Variants in CRISPLD2 observed in about 807,000 individuals in gnomAD.
CRISPLD2 encodes cysteine rich secretory protein LCCL domain containing 2, also known as cysteine-rich secretory protein LCCL domain-containing 2.
Under a neutral mutation model 71.1 loss-of-function variants are expected in CRISPLD2, and 47 were observed. The ratio of observed to expected loss-of-function variants is 0.66; its 90% CI spans 0.52 to 0.84. The LOEUF (loss-of-function observed/expected upper bound fraction) is 0.84, where lower values mean the gene tolerates loss of function less well. CRISPLD2 is among the 40% of genes least tolerant of loss of function. The pLI is 0.00. For synonymous variants in CRISPLD2, 317 were observed against 250.1 expected, an observed-to-expected ratio of 1.27 and a Z score of -2.52; for missense variants, 830 against 651.1, an observed-to-expected ratio of 1.27 and a Z score of -2.99.
At chr16:84,878,521 T>C (rs2071541059) in intron 12 of CRISPLD2, among the ~76,000 whole-genome samples, 1 of 152,246 alleles carries the variant, frequency 6.6e-6, no homozygotes, top group Non-Finnish European at 1.5e-5. Flanking sequence ...GTTTATTCTT[T>C]CAAATCCTCA....
At chr16:84,885,238 T>C (rs991073870) in intron 13 of CRISPLD2, among the ~76,000 whole-genome samples, 1 of 150,552 alleles carries the variant, frequency 6.6e-6, no homozygotes, top group African/African-American at 2.4e-5. Flanking sequence ...ATGAGCTTAA[T>C]TGTGTTCGCT....
chr16:84,902,699 C>T (rs2071765931), intron 14 of CRISPLD2, among the ~76,000 whole-genome samples: 1 of 151,328 alleles, frequency 6.6e-6, no homozygotes, highest in African/African-American at 2.4e-5. Flanking sequence ...ATCCTGCTGG[C>T]TCAGAGGGAC....
intron 14 of CRISPLD2, among the ~76,000 whole-genome samples, chr16:84,893,830 T>C (rs952761100): frequency 2.0e-5 from 3 of 152,160 alleles, no homozygotes; most frequent in African/African-American, 4.8e-5. Context: ...CCCAGGAGCT[T>C]ATTCCCAATA....
intron 1 of CRISPLD2, among the ~76,000 whole-genome samples, chr16:84,823,008 T>C (rs1012249651): frequency 7.2e-5 from 11 of 152,306 alleles, no homozygotes; most frequent in Middle Eastern, 3.4e-3. Flanking sequence ...CCCAGGCCCA[T>C]TAGGCATCAT....
chr16:84,874,402 G>C (rs2071501049), intron 11 of CRISPLD2, among the ~76,000 whole-genome samples: 1 of 152,208 alleles, frequency 6.6e-6, no homozygotes, highest in South Asian at 2.1e-4. Flanking sequence ...AGGGAAGTGT[G>C]TGGCACTTAC....
At chr16:84,872,401 C>A in intron 8 of CRISPLD2, 41 bp from the exon 9 acceptor site, 1 of 1,517,048 alleles carries the variant, frequency 6.6e-7, no homozygotes, top group Non-Finnish European at 9.2e-7. Flanking sequence ...ATGTAATCAA[C>A]GTGCTTATCT....
rs751116425 is a variant in CRISPLD2 at position 84,880,592 on chromosome 16, G to C, written c.1305+8G>C. 2 of 1,611,174 alleles carry C rather than the reference G, an allele frequency of 1.2e-6. No homozygotes were observed. The highest frequency in any genetic ancestry group is 1.1e-5 in the South Asian group (1 of 90,908). On this transcript the variant is annotated splice_region_variant and intron_variant, in intron 13 of 14. Coordinates refer to ENST00000262424, the MANE Select transcript of CRISPLD2 (RefSeq NM_031476.4). ...ACCAACATCTATGCAGATGTGAGTA[G>C]GATGCATTTTCAACAACTATCTCGC...
At chr16:84,875,469 A>G (rs995566565) in intron 11 of CRISPLD2, among the ~76,000 whole-genome samples, 23 of 108,560 alleles carry the variant, frequency 2.1e-4, no homozygotes, top group African/African-American at 7.1e-4. Context: ...GTGTTAGTAT[A>G]TTTTATCTGT....
In CRISPLD2 at chr16:84,906,872, C is replaced by A; in HGVS notation, c.*230C>A. On this transcript the variant is annotated 3_prime_UTR_variant, in exon 15 of 15. Coordinates refer to ENST00000262424, the MANE Select transcript of CRISPLD2 (RefSeq NM_031476.4). ...CCCTGGTGCCTGATCCTGCTGGGGC[C>A]TGGGGGTCTCCATCTGGACGTCCTC... 1.6e-6 allele frequency: 1 copy of A among 618,006 alleles called. No individual in the cohort carries two copies. Among genetic ancestry groups the A allele is most frequent in the South Asian group, 1.9e-5 (1 of 53,864 alleles). 38.3% of individuals were successfully genotyped at this position (618,006 alleles called of 1,614,324 possible).
At chr16:84,856,354 A>G (rs995638986) in intron 6 of CRISPLD2, among the ~76,000 whole-genome samples, 1 of 152,188 alleles carries the variant, frequency 6.6e-6, no homozygotes, top group African/African-American at 2.4e-5. Flanking sequence ...ACCCCAGCCA[A>G]CACTGTAACT....
At chr16:84,898,609 C>G (rs934076667) in intron 14 of CRISPLD2, among the ~76,000 whole-genome samples, 9 of 152,204 alleles carry the variant, frequency 5.9e-5, no homozygotes, top group African/African-American at 2.2e-4. Flanking sequence ...TTTCCCCTGA[C>G]TCATCACCTT....
intron 3 of CRISPLD2, among the ~76,000 whole-genome samples, chr16:84,848,023 T>C (rs1000129619): frequency 1.3e-5 from 2 of 152,222 alleles, no homozygotes; most frequent in Non-Finnish European, 2.9e-5. Context: ...TCCTGAGAAG[T>C]AGGATTGCTG....
chr16:84,903,301 A>G (rs2071771696), intron 14 of CRISPLD2, among the ~76,000 whole-genome samples: 2 of 151,960 alleles, frequency 1.3e-5, no homozygotes, highest in South Asian at 4.1e-4. Context: ...ACATTCCGGA[A>G]AGTATCCTTA....
chr16:84,880,396 C>T lies in CRISPLD2; in HGVS notation c.1230-113C>T, dbSNP rs183935383. Reference sequence around the variant, plus strand: ...TTTCTTAATGAGGAAAACTGTATGGCGGTTTCCTTTCATCTACGAACTTAA... The same window carrying T: ...TTTCTTAATGAGGAAAACTGTATGGTGGTTTCCTTTCATCTACGAACTTAA... On this transcript the variant is annotated intron_variant, in intron 12 of 14. Transcript: ENST00000262424. 6,718 of 732,630 alleles carry T rather than the reference C, an allele frequency of 9.2e-3. 74 individuals are homozygous for T. Among genetic ancestry groups the T allele is most frequent in the South Asian group, 0.03 (1,329 of 44,530 alleles). 45.4% of individuals were successfully genotyped at this position (732,630 alleles called of 1,614,324 possible).
chr16:84,881,314 T>C (rs566043509), intron 13 of CRISPLD2, among the ~76,000 whole-genome samples: 1 of 152,368 alleles, frequency 6.6e-6, no homozygotes, highest in South Asian at 2.1e-4. Context: ...CCTAATTTAC[T>C]GCTTGTTGAT....
chr16:84,854,721 G>T lies in CRISPLD2; in HGVS notation c.609-8G>T. The T allele has an allele frequency of 6.2e-7, 1 of 1,612,104 alleles. No individual in the cohort carries two copies. The highest frequency in any genetic ancestry group is 8.5e-7 in the Non-Finnish European group (1 of 1,178,188). On this transcript the variant is annotated splice_polypyrimidine_tract_variant and splice_region_variant and intron_variant, in intron 5 of 14. Coordinates refer to ENST00000262424, the MANE Select transcript of CRISPLD2 (RefSeq NM_031476.4). ...CCCTCTGACGGTTGTTTTTGGGTCT[G>T]TCCTCAGGGGGAACTGGATTGGAGA...
At chr16:84,868,696 C>G (rs144603610) in intron 7 of CRISPLD2, among the ~76,000 whole-genome samples, 155 bp from the exon 8 acceptor site, 24 of 152,222 alleles carry the variant, frequency 1.6e-4, no homozygotes, top group African/African-American at 5.1e-4. Context: ...GTCTGAGCCC[C>G]CAGCGGAAGC....
intron 6 of CRISPLD2, among the ~76,000 whole-genome samples, chr16:84,858,444 A>G (rs1387424192): frequency 6.6e-6 from 1 of 152,234 alleles, no homozygotes; most frequent in Non-Finnish European, 1.5e-5. Context: ...TCACCTTAGA[A>G]GGAATACCTT....
chr16:84,869,652 C>T (rs1302035128), intron 8 of CRISPLD2, among the ~76,000 whole-genome samples: 2 of 152,302 alleles, frequency 1.3e-5, no homozygotes, highest in South Asian at 2.1e-4. Flanking sequence ...AGTGGAATAA[C>T]AGTGCCTAAA....
Sources: allele counts gnomAD v4.1 joint callset (sites outside exome capture counted in the v4.1 genomes callset), GRCh38; gene constraint gnomAD v4.1.1; transcripts MANE v1.5; gene names NCBI Gene and HGNC (gene_info 2026-07-23, HGNC 2026-07-21).